The following COL6A6 variants were observed in gnomAD, a reference collection of about 807,000 sequenced individuals.
The protein encoded by COL6A6 is collagen type VI alpha 6 chain.
COL6A6 carries 183 observed loss-of-function variants against 208.6 expected under a neutral mutation model. That is an observed-to-expected ratio of 0.88 (90% CI 0.78 to 0.99). The LOEUF is 0.99. Among genes scored for constraint, COL6A6 ranks in the 50% least tolerant of loss-of-function variants. The pLI is 0.00. For missense variants in COL6A6, 2,816 were observed against 2,815.2 expected (o/e 1.00, Z -0.01); for synonymous variants, 973 against 1,011.8 (o/e 0.96, Z 0.73).
At chr3:130,644,075 C>T (rs1238851433) in intron 31 of COL6A6, among the ~76,000 whole-genome samples, 3 of 152,100 alleles carry the variant, frequency 2.0e-5, no homozygotes, top group Non-Finnish European at 4.4e-5. Context: ...TAAGGGACTC[C>T]ATAAAAAATC....
At chr3:130,523,787 T>G (rs1246106185) in intron 1 of COL6A6, among the ~76,000 whole-genome samples, 1 of 152,200 alleles carries the variant, frequency 6.6e-6, no homozygotes, top group Non-Finnish European at 1.5e-5. Context: ...AAAAGGTCTT[T>G]TAAAACCTTT....
chr3:130,643,808 T>C (rs934165189), intron 31 of COL6A6, among the ~76,000 whole-genome samples: 1 of 152,188 alleles, frequency 6.6e-6, no homozygotes, highest in Non-Finnish European at 1.5e-5. Flanking sequence ...AAAAATAAAT[T>C]AGAGCCTATT....
chr3:130,540,651 T>C (rs182545502), intron 1 of COL6A6, among the ~76,000 whole-genome samples: 15 of 152,266 alleles, frequency 9.9e-5, no homozygotes, highest in African/African-American at 2.6e-4. Context: ...AATGCTCTCC[T>C]CCCTGACCCC....
intron 1 of COL6A6, among the ~76,000 whole-genome samples, chr3:130,545,914 TTACTTC>T (rs1302100555): frequency 2.6e-5 from 4 of 152,194 alleles, no homozygotes; most frequent in African/African-American, 9.6e-5. Flanking sequence ...GTTTCAAATA[TTACTTC>T]TACTTCTTTT....
chr3:130,565,401 C>CG lies in COL6A6; in HGVS notation c.1072dup (p.Glu358GlyfsTer27), dbSNP rs1559997233. 1.2e-6 allele frequency: 2 copies of CG among 1,613,886 alleles called. No individual in the cohort carries two copies. Among genetic ancestry groups the CG allele is most frequent in the East Asian group, 2.2e-5 (1 of 44,870 alleles). On this transcript the variant is annotated frameshift_variant, in exon 4 of 37. Coordinates refer to ENST00000358511, the MANE Select transcript of COL6A6 (RefSeq NM_001102608.3). LOFTEE classifies it high-confidence loss of function. Reference sequence around the variant, plus strand: ...GACAAAAGCAGCTGTTAACCTCCGACGGGAGGGTGTGACCATCTTCACCCT... The same window carrying CG: ...GACAAAAGCAGCTGTTAACCTCCGACGGGGAGGGTGTGACCATCTTCACCCT...
intron 33 of COL6A6, among the ~76,000 whole-genome samples, chr3:130,655,155 C>A (rs1362511737): frequency 6.6e-6 from 1 of 152,136 alleles, no homozygotes; most frequent in African/African-American, 2.4e-5. Flanking sequence ...CCCATTGTTC[C>A]TGAGGTGTCC....
chr3:130,590,231 C>G (rs1188772245), intron 12 of COL6A6, among the ~76,000 whole-genome samples: 2 of 111,158 alleles, frequency 1.8e-5, no homozygotes, highest in Non-Finnish European at 3.5e-5. Context: ...ACACTTGTCT[C>G]GAAATTCCAT....
chr3:130,635,809 G>C (rs760845476), intron 28 of COL6A6, 48 bp downstream of exon 28: 2 of 1,295,732 alleles, frequency 1.5e-6, no homozygotes, highest in African/African-American at 2.9e-5. Flanking sequence ...ACATTGGGAA[G>C]TCCTCCTTTG....
chr3:130,602,171 A>C lies in COL6A6; in HGVS notation c.4653+2361A>C, dbSNP rs79166557. On this transcript the variant is annotated intron_variant, in intron 20 of 36. Transcript: ENST00000358511. ...TCACAACACAGGGAAACTATGACTT[A>C]AGGGGCTTCATATGAGTGCCATGAA... is the stretch of plus-strand genomic sequence containing the variant. 9.2e-3 allele frequency among the ~76,000 whole-genome samples: 1,395 copies of C among 152,332 alleles called. 31 individuals carry two copies. The highest frequency in any genetic ancestry group is 0.032 in the African/African-American group (1,322 of 41,566).
intron 23 of COL6A6, among the ~76,000 whole-genome samples, chr3:130,616,160 A>G (rs562371202): frequency 3.3e-5 from 5 of 152,164 alleles, no homozygotes; most frequent in Admixed American, 2.0e-4. Flanking sequence ...GATGAACACA[A>G]TCAGATACAC....
At chr3:130,577,742 GCTT>G (rs1469866608) in intron 8 of COL6A6, among the ~76,000 whole-genome samples, 1 of 152,214 alleles carries the variant, frequency 6.6e-6, no homozygotes, top group Admixed American at 6.5e-5. Context: ...ATGAAAAAGA[GCTT>G]CTACTTATTC....
Position 130,525,985 on chromosome 3 carries a change from A to G in COL6A6, c.-32+8588A>G, listed in dbSNP as rs2061952977. Among the ~76,000 whole-genome samples the G allele has an allele frequency of 3.1e-5, 3 of 97,218 alleles. No homozygotes were observed. In the Admixed American group the frequency reaches 3.6e-4, roughly 12 times the overall value. 63.8% of individuals were successfully genotyped at this position (97,218 alleles called of 152,430 possible). A position where few individuals can be genotyped will look rare whatever the true frequency, so the allele number is the denominator to read the frequency against. ...CACAGTGTATAATAATTCAACAAAT[A>G]GTTATTAAGCATTTTTTTTTAATGT... On this transcript the variant is annotated intron_variant, in intron 1 of 36. Transcript: ENST00000358511.
chr3:130,620,442 C>T (rs1234760465), intron 23 of COL6A6, among the ~76,000 whole-genome samples: 1 of 152,056 alleles, frequency 6.6e-6, no homozygotes, highest in Non-Finnish European at 1.5e-5. Context: ...TTTCAAAGAA[C>T]ACATGATCAA....
At chr3:130,577,105 C>T (rs2063315682) in intron 8 of COL6A6, among the ~76,000 whole-genome samples, 1 of 152,196 alleles carries the variant, frequency 6.6e-6, no homozygotes, top group African/African-American at 2.4e-5. Flanking sequence ...ATTTTTTGAG[C>T]ATCTACGAAG....
chr3:130,591,127 C>T (rs756546569), intron 13 of COL6A6, 33 bp downstream of exon 13: 1 of 1,468,032 alleles, frequency 6.8e-7, no homozygotes, highest in Non-Finnish European at 9.4e-7. Context: ...CTCCATTTAT[C>T]CCTAAAAACA....
rs72992239 is a variant in COL6A6, at chr3:130,541,530, T to A, written c.-31-18804T>A. On this transcript the variant is annotated intron_variant, in intron 1 of 36. Coordinates refer to ENST00000358511, the MANE Select transcript of COL6A6 (RefSeq NM_001102608.3). The stretch of plus-strand genomic sequence containing the variant: ...TTAGTTTTGCAAGAAACTGCCAACC[T>A]GTTTTCCAAAGTGGCTATGCCATTT... 5.1e-3 allele frequency among the ~76,000 whole-genome samples: 770 copies of A among 152,340 alleles called. 12 individuals are homozygous for A. Among genetic ancestry groups the A allele is most frequent in the African/African-American group, 0.017 (715 of 41,566 alleles).
chr3:130,669,745 T>C (rs1302559827), intron 36 of COL6A6, among the ~76,000 whole-genome samples: 1 of 152,230 alleles, frequency 6.6e-6, no homozygotes, highest in African/African-American at 2.4e-5. Flanking sequence ...AAGGCAAAAG[T>C]CAGTTCTTTC....
rs751376141 is a variant in COL6A6 at position 130,566,912 on chromosome 3, A to T, written c.1493A>T (p.Asp498Val). ...ATCAATAAATACTCCAACAAGCAGG[A>T]TTTGGGAAAGGCCATTGAGAATATC... ...FEINKYSNKQ[D>V]LGKAIENIRQ... The change falls in exon 5 of 37, where the codon GAT becomes GTT. Residue 498 changes from aspartate to valine, a missense_variant. By Grantham distance (152) the Asp-to-Val change is radical (BLOSUM62 -3). Transcript: ENST00000358511. 9 of 1,613,980 alleles carry T rather than the reference A, an allele frequency of 5.6e-6. No homozygotes were observed. Among genetic ancestry groups the T allele is most frequent in the Non-Finnish European group, 6.8e-6 (8 of 1,179,840 alleles).
chr3:130,649,270 G>A lies in COL6A6; in HGVS notation c.5441G>A (p.Arg1814His), dbSNP rs747711234. ...SYNSHARHLV[R>H]FSDAYKKSQL... The stretch of plus-strand genomic sequence containing the variant: ...AACTCCCACGCCAGGCACCTTGTGC[G>A]CTTCTCAGACGCCTACAAGAAGAGT... The change falls in exon 33 of 37, where the codon CGC becomes CAC. Residue 1814 changes from arginine (R) to histidine (H), a missense_variant. Arg to His is a conservative substitution (Grantham distance 29, BLOSUM62 0). Transcript: ENST00000358511. The A allele has an allele frequency of 1.2e-5, 20 of 1,601,378 alleles. No homozygotes were observed. The highest frequency in any genetic ancestry group is 1.0e-4 in the Admixed American group (6 of 58,054).
Sources: gnomAD v4.1 joint callset for allele counts (sites outside exome capture counted in the v4.1 genomes callset) on GRCh38, gnomAD v4.1.1 for gene constraint, MANE v1.5 for transcripts, NCBI Gene and HGNC (gene_info 2026-07-23, HGNC 2026-07-21) for gene names.